Variants in SLC45A2 observed in about 807,000 individuals in gnomAD.
SLC45A2 encodes the protein solute carrier family 45 member 2.
In SLC45A2, 36 loss-of-function variants were observed where a neutral mutation model predicts 45.5. That is an observed-to-expected ratio of 0.79 (90% confidence interval 0.61 to 1.04). SLC45A2 has a LOEUF of 1.04. Among genes scored for constraint, SLC45A2 ranks in the 50% least tolerant of loss-of-function variants. SLC45A2 has a pLI of 0.00. For synonymous variants in SLC45A2, 306 were observed against 269.3 expected (o/e 1.14, Z -1.33); for missense variants, 719 against 671.0 (o/e 1.07, Z -0.79).
Position 33,969,065 on chromosome 5 carries a change from C to CTCTCTCTCTCTCTGTGTG in SLC45A2, c.563-5050_563-5049insCACACAGAGAGAGAGAGA. The stretch of plus-strand genomic sequence containing the variant: ...AGCTACTCTCTCTCTCTCTCTCTCT[C>CTCTCTCTCTCTCTGTGTG]TGTGTGTGTGTGTGTGTGTGTGTGT... On this transcript the variant is annotated intron_variant, in intron 2 of 6. Transcript: ENST00000296589. 7.9e-4 allele frequency among the ~76,000 whole-genome samples: 81 copies of CTCTCTCTCTCTCTGTGTG among 102,464 alleles called. 2 individuals are homozygous for CTCTCTCTCTCTCTGTGTG. Among genetic ancestry groups the CTCTCTCTCTCTCTGTGTG allele is most frequent in the African/African-American group, 2.6e-3 (69 of 27,030 alleles). The allele number at this position is 102,464 out of a possible 152,430, so 67.2% of individuals were successfully genotyped here.
At chr5:33,981,623 T>C (rs1257192379) in intron 2 of SLC45A2, among the ~76,000 whole-genome samples, 2 of 152,214 alleles carry the variant, frequency 1.3e-5, no homozygotes, top group Non-Finnish European at 2.9e-5. Context: ...CTGGCAACAG[T>C]CCCAAGAGAT....
chr5:33,948,668 T>C (rs1752009493), intron 5 of SLC45A2, among the ~76,000 whole-genome samples: 1 of 152,216 alleles, frequency 6.6e-6, no homozygotes, highest in African/African-American at 2.4e-5. Context: ...GTTGTTAAGG[T>C]TGAGAATACA....
At chr5:33,961,756 T>C (rs1429672653) in intron 3 of SLC45A2, among the ~76,000 whole-genome samples, 2 of 152,200 alleles carry the variant, frequency 1.3e-5, no homozygotes, top group African/African-American at 4.8e-5. Context: ...ACTGTTCCTG[T>C]TCCTGCCAAG....
chr5:33,975,953 G>A (rs997547788), intron 2 of SLC45A2, among the ~76,000 whole-genome samples: 1 of 152,014 alleles, frequency 6.6e-6, no homozygotes, highest in Non-Finnish European at 1.5e-5. Context: ...CTATGGACCC[G>A]TAGCAATTGT....
intron 5 of SLC45A2, among the ~76,000 whole-genome samples, chr5:33,950,401 G>T (rs941250705): frequency 6.6e-6 from 1 of 152,126 alleles, no homozygotes; most frequent in Non-Finnish European, 1.5e-5. Flanking sequence ...AAATAAATGT[G>T]ATCTTTAAGC....
In SLC45A2 at chr5:33,957,294, G is replaced by A. The variant is rs147851102; in HGVS notation, c.889-2790C>T. On this transcript the variant is annotated intron_variant, in intron 3 of 6. Transcript: ENST00000296589. ...ATTCTGAATCACGACATTGAGTACT[G>A]GCTAGTTTATAAGACAGTCTACTGA... Among the ~76,000 whole-genome samples, 50 of 152,198 alleles carry A rather than the reference G, an allele frequency of 3.3e-4. No homozygotes were observed. In the East Asian group the frequency reaches 9.3e-3, roughly 28 times the overall value.
At chr5:33,971,259 G>T in intron 2 of SLC45A2, 1 of 530,466 alleles carries the variant, frequency 1.9e-6, no homozygotes, top group South Asian at 1.4e-5. Flanking sequence ...TTCTTATTCT[G>T]AGATTGGAGG....
chr5:33,963,530 T>C (rs974261028), intron 3 of SLC45A2, 161 bp downstream of exon 3: 3 of 774,196 alleles, frequency 3.9e-6, no homozygotes, highest in African/African-American at 1.8e-5. Context: ...AGATATAAAA[T>C]TTTAATTCCA....
chr5:33,963,941 G>A lies in SLC45A2; in HGVS notation c.638C>T (p.Thr213Ile). Residue 213 changes from threonine (T) to isoleucine (I), a missense_variant, in exon 3 of 7, where the codon ACA (threonine) becomes ATA (isoleucine). Thr to Ile is a moderately conservative substitution (Grantham distance 89, BLOSUM62 -1). Coordinates refer to ENST00000296589, the MANE Select transcript of SLC45A2 (RefSeq NM_016180.5). ...AHLELGRLLG[T>I]EFQVMFFFSA... ...GAAGAAGAACATGACCTGGAATTCTGTACCCAACAGTCTTCCCAGCTCCAG... is the reference window on the plus strand; with the variant it reads ...GAAGAAGAACATGACCTGGAATTCTATACCCAACAGTCTTCCCAGCTCCAG... 1 of 1,614,128 alleles carries A rather than the reference G, an allele frequency of 6.2e-7. No homozygotes were observed. The highest frequency in any genetic ancestry group is 2.2e-5 in the East Asian group (1 of 44,878).
rs558491873 is a variant in SLC45A2, at chr5:33,978,221, G to T, written c.562+4015C>A. 1.4e-4 allele frequency among the ~76,000 whole-genome samples: 22 copies of T among 152,284 alleles called. No homozygotes were observed. In the East Asian group the frequency reaches 4.1e-3, roughly 28 times the overall value. On this transcript the variant is annotated intron_variant, in intron 2 of 6. Coordinates refer to ENST00000296589, the MANE Select transcript of SLC45A2 (RefSeq NM_016180.5). ...ACATTAAAATAGAGATCTTAAGACT[G>T]CCATACAAAACACTCTTCATAGCAA...
intron 3 of SLC45A2, among the ~76,000 whole-genome samples, chr5:33,960,904 A>G (rs2111952286): frequency 6.6e-6 from 1 of 152,322 alleles, no homozygotes; most frequent in South Asian, 2.1e-4. Context: ...ACATAAGAGA[A>G]AAGCTGGTGA....
chr5:33,947,266 T>A lies in SLC45A2; in HGVS notation c.1265A>T (p.Tyr422Phe). The A allele has an allele frequency of 1.2e-6, 2 of 1,613,778 alleles. No individual in the cohort carries two copies. The highest frequency in any genetic ancestry group is 1.7e-6 in the Non-Finnish European group (2 of 1,179,962). ...CAGGCTGCACAGGACCAGGGTGGAG[T>A]AGACATTCGGGAAGAGCCCAATAAA... ...TGFIGLFPNV[Y>F]STLVLCSLFG... The change falls in exon 6 of 7, where the codon TAC (tyrosine) becomes TTC (phenylalanine). Residue 422 changes from tyrosine to phenylalanine, a missense_variant. Tyr to Phe is a conservative substitution (Grantham distance 22). Transcript: ENST00000296589.
At chr5:33,951,717 T>A in intron 4 of SLC45A2, 40 bp from the exon 5 acceptor site, 1 of 1,613,878 alleles carries the variant, frequency 6.2e-7, no homozygotes, top group Non-Finnish European at 8.5e-7. Flanking sequence ...ACAAATGCAA[T>A]GTAGTAAGAA....
chr5:33,972,396 C>A (rs754100564), intron 2 of SLC45A2: 3 of 357,658 alleles, frequency 8.4e-6, no homozygotes, highest in East Asian at 1.4e-4. Context: ...AGATTAGACA[C>A]GTTGAAAATC....
chr5:33,968,675 G>A (rs982067925), intron 2 of SLC45A2, among the ~76,000 whole-genome samples: 2 of 152,180 alleles, frequency 1.3e-5, no homozygotes, highest in Non-Finnish European at 2.9e-5. Context: ...TGGGAAATTG[G>A]TAAACTGTCA....
intron 2 of SLC45A2, among the ~76,000 whole-genome samples, chr5:33,979,907 A>T (rs1753027472): frequency 6.6e-6 from 1 of 152,128 alleles, no homozygotes; most frequent in African/African-American, 2.4e-5. Flanking sequence ...GGCCTTGGAA[A>T]AGTTTCCCTA....
chr5:33,984,167 C>A, intron 1 of SLC45A2, 32 bp downstream of exon 1: 2 of 1,613,062 alleles, frequency 1.2e-6, no homozygotes, highest in Non-Finnish European at 1.7e-6. Context: ...AGACACATAT[C>A]CCTGTCTGCC....
chr5:33,945,023 C>CT, intron 6 of SLC45A2, 151 bp from the exon 7 acceptor site: 1 of 762,040 alleles, frequency 1.3e-6, no homozygotes, highest in Non-Finnish European at 2.2e-6. Context: ...AACTCTGCTG[C>CT]TGTAGTGCAA....
In SLC45A2 at chr5:33,954,456, T is replaced by A. The variant is rs756708646; in HGVS notation, c.937A>T (p.Met313Leu). 1 of 1,614,078 alleles carries A rather than the reference T, an allele frequency of 6.2e-7. No homozygotes were observed. The highest frequency in any genetic ancestry group is 8.5e-7 in the Non-Finnish European group (1 of 1,179,990). The change falls in exon 4 of 7, where the codon ATG becomes TTG. Residue 313 changes from methionine to leucine, a missense_variant. Coordinates refer to ENST00000296589, the MANE Select transcript of SLC45A2 (RefSeq NM_016180.5). ...LKSLLRALVN[M>L]PPHYRYLCIS... Reference sequence around the variant, plus strand: ...CAAAGGTAGCGGTAGTGAGGAGGCATGTTCACCAGTGCTCTCAGCAGTGAC... The same window carrying A: ...CAAAGGTAGCGGTAGTGAGGAGGCAAGTTCACCAGTGCTCTCAGCAGTGAC...
Sources: allele counts gnomAD v4.1 joint callset (sites outside exome capture counted in the v4.1 genomes callset), GRCh38; gene constraint gnomAD v4.1.1; transcripts MANE v1.5; gene names NCBI Gene and HGNC (gene_info 2026-07-23, HGNC 2026-07-21).